IL1R1: variants seen among roughly 807,000 people sequenced by gnomAD.
IL1R1 encodes the protein interleukin-1 receptor type 1.
IL1R1 carries 22 observed loss-of-function variants against 50.2 expected under a neutral mutation model. The observed-to-expected ratio is 0.44, with a 90% CI of 0.31 to 0.63. The LOEUF is 0.63. Among genes scored for constraint, IL1R1 ranks in the 20% least tolerant of loss-of-function variants. The probability of loss-of-function intolerance (pLI) is 0.07; values close to 1 mark genes in which losing one functional copy is unlikely to be tolerated. For missense variants in IL1R1, 509 were observed against 676.2 expected (o/e 0.75, Z 2.74); for synonymous variants, 251 against 236.7 (o/e 1.06, Z -0.55).
chr2:102,139,890 T>C (rs1293252083), upstream of IL1R1, among the ~76,000 whole-genome samples: 1 of 148,244 alleles, frequency 6.7e-6, no homozygotes, highest in Non-Finnish European at 1.5e-5. Context: ...GTTTCAGGTA[T>C]TTTTTTATAG....
chr2:102,154,792 A>G (rs940536748), intron 2 of IL1R1, among the ~76,000 whole-genome samples: 1 of 152,246 alleles, frequency 6.6e-6, no homozygotes, highest in African/African-American at 2.4e-5. Context: ...CCTGCAAATG[A>G]CAGTCCCATT....
intron 3 of IL1R1, 27 bp from the exon 4 acceptor site, chr2:102,164,747 T>C (rs375255915): frequency 2.0e-6 from 3 of 1,512,108 alleles, no homozygotes; most frequent in African/African-American, 2.8e-5. Flanking sequence ...TTTATGTAAA[T>C]TGCTTCCACC....
chr2:102,110,051 G>A (rs1680659682), intron 1 of IL1R1, among the ~76,000 whole-genome samples: 1 of 152,116 alleles, frequency 6.6e-6, no homozygotes, highest in African/African-American at 2.4e-5. Flanking sequence ...ATTTGCTTTT[G>A]GAGTGGTAAC....
intron 11 of IL1R1, chr2:102,176,034 A>G (rs1270161634): frequency 8.9e-6 from 4 of 449,772 alleles, no homozygotes; most frequent in Non-Finnish European, 1.2e-5. Flanking sequence ...AGTCTATAAA[A>G]TGGGAGGTTT....
At chr2:102,130,723 G>A (rs902731233) in intron 1 of IL1R1, among the ~76,000 whole-genome samples, 1 of 151,934 alleles carries the variant, frequency 6.6e-6, no homozygotes. Context: ...TTGCAGGGTG[G>A]GGGTGGGCAT....
chr2:102,152,571 A>G (rs545775426), intron 1 of IL1R1, among the ~76,000 whole-genome samples: 1 of 145,434 alleles, frequency 6.9e-6, no homozygotes, highest in Admixed American at 7.0e-5. Context: ...CTTCTCTGCA[A>G]GAAGCTTCCT....
intron 1 of IL1R1, among the ~76,000 whole-genome samples, chr2:102,092,170 A>G (rs573910887): frequency 5.3e-5 from 8 of 152,238 alleles, no homozygotes; most frequent in Admixed American, 3.3e-4. Flanking sequence ...ATAACCATTA[A>G]AAGCTTTGCT....
chr2:102,164,667 A>G (rs568930070), intron 3 of IL1R1, 107 bp from the exon 4 acceptor site: 3 of 705,468 alleles, frequency 4.3e-6, no homozygotes, highest in African/African-American at 3.6e-5. Context: ...TTTATATGTA[A>G]TGTGAATTGA....
At chr2:102,150,196 G>T (rs1217127922) in intron 1 of IL1R1, among the ~76,000 whole-genome samples, 1 of 152,208 alleles carries the variant, frequency 6.6e-6, no homozygotes, top group Non-Finnish European at 1.5e-5. Flanking sequence ...CAGGAAAAAT[G>T]CCTCCTTCCC....
intron 1 of IL1R1, among the ~76,000 whole-genome samples, chr2:102,114,919 C>G (rs1680981653): frequency 6.6e-6 from 1 of 152,156 alleles, no homozygotes; most frequent in Admixed American, 6.5e-5. Flanking sequence ...AGTTGAGTTC[C>G]CTTTCTTGGC....
chr2:102,092,378 A>G (rs1469093938), intron 1 of IL1R1, among the ~76,000 whole-genome samples: 1 of 152,182 alleles, frequency 6.6e-6, no homozygotes, highest in African/African-American at 2.4e-5. Flanking sequence ...TTCTTAAAAA[A>G]AATACAGCTT....
In IL1R1 at chr2:102,174,705, C is replaced by T. The variant is rs1454319003; in HGVS notation, c.1110C>T (p.Ser370=). The T allele has an allele frequency of 6.2e-7, 1 of 1,607,416 alleles. No individual in the cohort carries two copies. Among genetic ancestry groups the T allele is most frequent in the African/African-American group, 1.3e-5 (1 of 74,594 alleles). The change falls in exon 10 of 12, where the codon TCC becomes TCT. Residue 370 remains serine (S), a synonymous_variant. Transcript: ENST00000410023. The stretch of plus-strand genomic sequence containing the variant: ...ACATTGTGCTTTGGTACAGGGATTC[C>T]TGCTATGATTTTCTCCCAATAAAAG... ...KIDIVLWYRD[S]CYDFLPIKAS... is the part of the protein sequence containing the mutation.
chr2:102,076,896 C>G (rs542754578), intron 1 of IL1R1, among the ~76,000 whole-genome samples: 3 of 152,096 alleles, frequency 2.0e-5, no homozygotes, highest in Non-Finnish European at 2.9e-5. Context: ...TAATTCCTCT[C>G]TCATAATCCC....
intron 1 of IL1R1, among the ~76,000 whole-genome samples, chr2:102,099,418 A>G (rs796606627): frequency 1.3e-5 from 2 of 152,266 alleles, no homozygotes; most frequent in African/African-American, 4.8e-5. Flanking sequence ...TATTGTTATG[A>G]AGATCTTTTT....
intron 1 of IL1R1, among the ~76,000 whole-genome samples, chr2:102,074,294 T>C (rs1282289637): frequency 6.6e-6 from 1 of 151,428 alleles, no homozygotes; most frequent in Non-Finnish European, 1.5e-5. Context: ...GTCCTGTGGA[T>C]GCTTCTTTGG....
At chr2:102,078,494 C>T (rs1286387460) in intron 1 of IL1R1, among the ~76,000 whole-genome samples, 1 of 145,902 alleles carries the variant, frequency 6.9e-6, no homozygotes, top group African/African-American at 2.5e-5. Context: ...GAAACTGGAT[C>T]AAGAAGAAAT....
chr2:102,081,666 G>A (rs1207985647), intron 1 of IL1R1, among the ~76,000 whole-genome samples: 2 of 152,236 alleles, frequency 1.3e-5, no homozygotes, highest in Non-Finnish European at 2.9e-5. Flanking sequence ...TTTAGAAGGC[G>A]AAGGCGAATT....
intron 1 of IL1R1, among the ~76,000 whole-genome samples, chr2:102,112,859 A>G (rs1559468799): frequency 1.3e-5 from 2 of 152,278 alleles, no homozygotes; most frequent in East Asian, 1.9e-4. Context: ...AGGAGGTGGC[A>G]TGCTTGGGAG....
rs757364775 is a variant in IL1R1 at position 102,157,703 on chromosome 2, T to A, written c.-6-16T>A. ...ATTTTTGCTTTTGTCTTTCTTTCGT[T>A]CCTCCATTTCTCCAGAAGAATATGA... On this transcript the variant is annotated splice_polypyrimidine_tract_variant and intron_variant, in intron 2 of 11. Transcript: ENST00000410023. 6.4e-7 allele frequency: 1 copy of A among 1,555,412 alleles called. No individual in the cohort carries two copies. Among genetic ancestry groups the A allele is most frequent in the Admixed American group, 1.7e-5 (1 of 59,654 alleles).
Sources: gnomAD v4.1 joint callset for allele counts (sites outside exome capture counted in the v4.1 genomes callset) on GRCh38, gnomAD v4.1.1 for gene constraint, MANE v1.5 for transcripts, NCBI Gene and HGNC (gene_info 2026-07-23, HGNC 2026-07-21) for gene names.